The following FARSB variants were observed in gnomAD, a reference collection of about 807,000 sequenced individuals.
The protein encoded by FARSB is phenylalanine--tRNA ligase beta subunit.
FARSB carries 40 observed loss-of-function variants against 69.6 expected under a neutral mutation model. The observed-to-expected ratio is 0.57, with a 90% CI of 0.45 to 0.75. The LOEUF is 0.75. FARSB is among the 30% of genes least tolerant of loss of function. The probability of loss-of-function intolerance (pLI) is 0.00; values close to 1 mark genes in which losing one functional copy is unlikely to be tolerated. For missense variants in FARSB, 632 were observed against 722.9 expected, an observed-to-expected ratio of 0.87 and a Z score of 1.44; for synonymous variants, 235 against 247.2, an observed-to-expected ratio of 0.95 and a Z score of 0.46.
intron 2 of FARSB, 96 bp from the exon 3 acceptor site, chr2:222,643,101 T>C: frequency 1.7e-6 from 1 of 591,466 alleles, no homozygotes; most frequent in East Asian, 2.8e-5. Context: ...AACTACATTA[T>C]ACATATTTTC....
At position 222,642,907 on chromosome 2, in the gene FARSB, T is replaced by C; in HGVS notation, c.213A>G (p.Arg71=). ...ATCCTTCCAGACACAGGAGATCATATCTATTGGCAGGGACGTCAATTTTGT... is the reference window on the plus strand; with the variant it reads ...ATCCTTCCAGACACAGGAGATCATACCTATTGGCAGGGACGTCAATTTTGT... ...VLYKIDVPAN[R]YDLLCLEGLV... Residue 71 remains arginine, a synonymous_variant, in exon 3 of 17, where the codon AGA becomes AGG. Coordinates refer to ENST00000281828, the MANE Select transcript of FARSB (RefSeq NM_005687.5). The C allele has an allele frequency of 4.3e-6, 7 of 1,613,190 alleles. No homozygotes were observed. Among genetic ancestry groups the C allele is most frequent in the Non-Finnish European group, 5.9e-6 (7 of 1,179,234 alleles).
At chr2:222,630,083 G>A in intron 9 of FARSB, 30 bp downstream of exon 9, 1 of 1,336,380 alleles carries the variant, frequency 7.5e-7, no homozygotes, top group Non-Finnish European at 1.1e-6. Context: ...AGAACAATGG[G>A]CCATCAATAA....
rs534216745 is a variant in FARSB, at chr2:222,591,379, C to T, written c.1618+8549G>A. On this transcript the variant is annotated intron_variant, in intron 16 of 16. Coordinates refer to ENST00000281828, the MANE Select transcript of FARSB (RefSeq NM_005687.5). ...CAAGCACCTAGAGTTCCTGTGCAACCGGAACTAGAGAACACCCAAAGCCTG... is the reference window on the plus strand; with the variant it reads ...CAAGCACCTAGAGTTCCTGTGCAACTGGAACTAGAGAACACCCAAAGCCTG... Among the ~76,000 whole-genome samples, 52 of 152,192 alleles carry T rather than the reference C, an allele frequency of 3.4e-4. 1 individual carries two copies. In the Middle Eastern group the frequency reaches 0.017, roughly 50 times the overall value.
At chr2:222,598,305 C>G (rs1690474491) in intron 16 of FARSB, among the ~76,000 whole-genome samples, 1 of 152,190 alleles carries the variant, frequency 6.6e-6, no homozygotes, top group Non-Finnish European at 1.5e-5. Context: ...ACTAGGAACT[C>G]ACACTCTTCT....
At chr2:222,577,439 T>G (rs1689865777) in intron 16 of FARSB, among the ~76,000 whole-genome samples, 1 of 152,168 alleles carries the variant, frequency 6.6e-6, no homozygotes, top group Admixed American at 6.5e-5. Context: ...CCAACACACC[T>G]GCAGACACCA....
At chr2:222,593,328 C>T (rs1481583875) in intron 16 of FARSB, among the ~76,000 whole-genome samples, 3 of 152,100 alleles carry the variant, frequency 2.0e-5, no homozygotes, top group Non-Finnish European at 4.4e-5. Context: ...GGGTATCCCA[C>T]AAGCAACATT....
intron 16 of FARSB, among the ~76,000 whole-genome samples, chr2:222,598,976 TA>T (rs896980464): frequency 4.0e-5 from 6 of 150,370 alleles, no homozygotes; most frequent in Admixed American, 2.0e-4. Flanking sequence ...ATCTTCAATC[TA>T]AAAAAACCCA....
At chr2:222,647,699 A>G (rs557623075) in intron 2 of FARSB, among the ~76,000 whole-genome samples, 5 of 152,202 alleles carry the variant, frequency 3.3e-5, no homozygotes, top group Non-Finnish European at 7.3e-5. Flanking sequence ...CAAGAGGAGG[A>G]GGTTGTGGTG....
Position 222,567,538 on chromosome 2 carries a change from G to C in FARSB, c.*4333C>G, listed in dbSNP as rs1168405283. On this transcript the variant is annotated 3_prime_UTR_variant, in exon 17 of 17. Coordinates refer to ENST00000281828, the MANE Select transcript of FARSB (RefSeq NM_005687.5). Reference sequence around the variant, plus strand: ...GCTGATGAGCCCATCATTGCTGAGAGCAGGGGCAGTGGTTAGGCTGGCTGG... The same window carrying C: ...GCTGATGAGCCCATCATTGCTGAGACCAGGGGCAGTGGTTAGGCTGGCTGG... 2 of 152,256 alleles carry C rather than the reference G, an allele frequency of 1.3e-5. No individual in the cohort carries two copies. Among genetic ancestry groups the C allele is most frequent in the Non-Finnish European group, 2.9e-5 (2 of 68,048 alleles). 9.4% of individuals were successfully genotyped at this position (152,256 alleles called of 1,614,324 possible). A position where few individuals can be genotyped will look rare whatever the true frequency, so the allele number is the denominator to read the frequency against.
chr2:222,613,728 C>T (rs1690917639), intron 15 of FARSB, 83 bp downstream of exon 15: 2 of 847,604 alleles, frequency 2.4e-6, no homozygotes, highest in African/African-American at 1.7e-5. Flanking sequence ...ACTATTTTTT[C>T]TGCTTTTATG....
intron 13 of FARSB, among the ~76,000 whole-genome samples, chr2:222,620,754 C>A (rs1691115794): frequency 6.6e-6 from 1 of 152,154 alleles, no homozygotes. Flanking sequence ...GTACTATTGT[C>A]CAATGTTAGG....
At chr2:222,578,700 C>A (rs1212676181) in intron 16 of FARSB, among the ~76,000 whole-genome samples, 3 of 151,120 alleles carry the variant, frequency 2.0e-5, no homozygotes, top group Non-Finnish European at 2.9e-5. Flanking sequence ...TTAGCTGGGG[C>A]CGGGCACAGT....
At chr2:222,633,104 G>T in intron 7 of FARSB, 95 bp downstream of exon 7, 1 of 745,798 alleles carries the variant, frequency 1.3e-6, no homozygotes, top group South Asian at 1.5e-5. Context: ...TGAGTTATTT[G>T]AATTTGATTC....
chr2:222,581,971 T>A (rs1214853937), intron 16 of FARSB, among the ~76,000 whole-genome samples: 2 of 152,216 alleles, frequency 1.3e-5, no homozygotes, highest in Non-Finnish European at 2.9e-5. Flanking sequence ...GCTGCAGCGT[T>A]TGTACAACGT....
At chr2:222,584,571 C>T (rs965590130) in intron 16 of FARSB, among the ~76,000 whole-genome samples, 9 of 152,154 alleles carry the variant, frequency 5.9e-5, no homozygotes, top group South Asian at 2.1e-4. Flanking sequence ...CACAAGGGGT[C>T]GGGGAATTCC....
chr2:222,583,314 T>G (rs1485994503), intron 16 of FARSB, among the ~76,000 whole-genome samples: 1 of 152,192 alleles, frequency 6.6e-6, no homozygotes, highest in African/African-American at 2.4e-5. Context: ...TTAATTATAA[T>G]GGAGAAAAGA....
chr2:222,583,325 A>G (rs1690021349), intron 16 of FARSB, among the ~76,000 whole-genome samples: 1 of 152,236 alleles, frequency 6.6e-6, no homozygotes, highest in Non-Finnish European at 1.5e-5. Flanking sequence ...GGAGAAAAGA[A>G]TAACTTTACA....
In FARSB at chr2:222,569,035, C is replaced by G. The variant is rs1324692323; in HGVS notation, c.*2836G>C. On this transcript the variant is annotated 3_prime_UTR_variant, in exon 17 of 17. Coordinates refer to ENST00000281828, the MANE Select transcript of FARSB (RefSeq NM_005687.5). ...CTTTTGGCAGTACTCACAGACTGCC[C>G]TGGCTCCAGTTCAAATGCTTCACCA... 6.6e-6 allele frequency: 1 copy of G among 152,202 alleles called. No individual in the cohort carries two copies. The highest frequency in any genetic ancestry group is 1.5e-5 in the Non-Finnish European group (1 of 68,036). 9.4% of individuals were successfully genotyped at this position (152,202 alleles called of 1,614,324 possible). A position where few individuals can be genotyped will look rare whatever the true frequency, so the allele number is the denominator to read the frequency against.
chr2:222,639,111 C>T lies in FARSB; in HGVS notation c.455+469G>A, dbSNP rs148862683. 4.3e-3 allele frequency among the ~76,000 whole-genome samples: 661 copies of T among 152,274 alleles called. 5 individuals carry two copies. The highest frequency in any genetic ancestry group is 0.015 in the African/African-American group (620 of 41,546). ...TAAGTAAAATTTAGTCATTTAAACT[C>T]AAGTTCTGTCAATTTATAATTACTC... is the stretch of plus-strand genomic sequence containing the variant. On this transcript the variant is annotated intron_variant, in intron 5 of 16. Coordinates refer to ENST00000281828, the MANE Select transcript of FARSB (RefSeq NM_005687.5).
Sources: allele counts gnomAD v4.1 joint callset (sites outside exome capture counted in the v4.1 genomes callset), GRCh38; gene constraint gnomAD v4.1.1; transcripts MANE v1.5; gene names NCBI Gene and HGNC (gene_info 2026-07-23, HGNC 2026-07-21).